EXTL3: variants seen among roughly 807,000 people sequenced by gnomAD.
EXTL3 encodes exostosin-like 3.
In EXTL3, 27 loss-of-function variants were observed where a neutral mutation model predicts 69.3. The ratio of observed to expected loss-of-function variants is 0.39; its 90% confidence interval spans 0.29 to 0.54. The LOEUF is 0.54. Ranked by LOEUF, EXTL3 falls within the 20% of genes least tolerant of loss-of-function variation. The pLI, the probability that EXTL3 is intolerant of heterozygous loss-of-function variation, is 0.69. For synonymous variants in EXTL3, 511 were observed against 499.4 expected (o/e 1.02, Z -0.31); for missense variants, 1,003 against 1,231.8 (o/e 0.81, Z 2.78).
chr8:28,667,752 A>G (rs1203302737), intron 1 of EXTL3, among the ~76,000 whole-genome samples: 1 of 151,142 alleles, frequency 6.6e-6, no homozygotes, highest in Non-Finnish European at 1.5e-5. Flanking sequence ...TAGGAGATAT[A>G]CCTAATGTAA....
At chr8:28,699,026 G>C (rs1800729962), upstream of EXTL3, among the ~76,000 whole-genome samples, 1 of 151,472 alleles carries the variant, frequency 6.6e-6, no homozygotes, top group African/African-American at 2.4e-5. Flanking sequence ...ACAAAAATTA[G>C]GCACAGTGGA....
intron 1 of EXTL3, among the ~76,000 whole-genome samples, chr8:28,643,231 A>G (rs1423197605): frequency 6.6e-6 from 1 of 152,010 alleles, no homozygotes; most frequent in Non-Finnish European, 1.5e-5. Flanking sequence ...GTGACAGAGC[A>G]AGACTCCATC....
At chr8:28,649,925 G>T (rs183478242) in intron 1 of EXTL3, among the ~76,000 whole-genome samples, 2 of 152,008 alleles carry the variant, frequency 1.3e-5, no homozygotes, top group Admixed American at 1.3e-4. Context: ...GCCCGGGCAC[G>T]GTGGGTCACA....
chr8:28,659,733 A>C (rs1807077068), intron 1 of EXTL3, among the ~76,000 whole-genome samples: 1 of 152,134 alleles, frequency 6.6e-6, no homozygotes, highest in African/African-American at 2.4e-5. Flanking sequence ...TCAGCAAGAG[A>C]ACAAAGAGCT....
chr8:28,629,900 C>G (rs1381733347), intron 1 of EXTL3, among the ~76,000 whole-genome samples: 1 of 152,002 alleles, frequency 6.6e-6, no homozygotes, highest in Admixed American at 6.6e-5. Flanking sequence ...AGCAGAGATG[C>G]AAGAGAGAGA....
At chr8:28,690,662 A>G (rs937253047) in intron 1 of EXTL3, among the ~76,000 whole-genome samples, 2 of 152,122 alleles carry the variant, frequency 1.3e-5, no homozygotes, top group African/African-American at 4.8e-5. Context: ...TCCCAATCTT[A>G]TTCATGTGGC....
rs868627764 is a variant in EXTL3, at chr8:28,731,434, A to G, written c.2276+84A>G. 7.5e-6 allele frequency: 11 copies of G among 1,466,000 alleles called. No individual in the cohort carries two copies. In the African/African-American group the frequency reaches 9.7e-5, roughly 13 times the overall value. 90.8% of individuals were successfully genotyped at this position (1,466,000 alleles called of 1,614,324 possible). ...GGCTGCAAAATGAATTTTTTGGCTG[A>G]TGGTAACTGAGAACCCCTTGCAGAT... On this transcript the variant is annotated intron_variant, in intron 4 of 6. Coordinates refer to ENST00000220562, the MANE Select transcript of EXTL3 (RefSeq NM_001440.4).
chr8:28,638,211 G>GT (rs1264129883), intron 1 of EXTL3, among the ~76,000 whole-genome samples: 5 of 152,108 alleles, frequency 3.3e-5, no homozygotes, highest in African/African-American at 1.2e-4. Flanking sequence ...CAAACTCATG[G>GT]TTTTGTTGGT....
chr8:28,742,303 G>A (rs1428172546), intron 5 of EXTL3: 2 of 152,148 alleles, frequency 1.3e-5, no homozygotes, highest in African/African-American at 4.8e-5. Flanking sequence ...ACAACAAGCT[G>A]ACAACATTCT....
intron 3 of EXTL3, among the ~76,000 whole-genome samples, chr8:28,723,420 A>C (rs1801340442): frequency 1.3e-5 from 2 of 152,240 alleles, no homozygotes; most frequent in Non-Finnish European, 2.9e-5. Flanking sequence ...CGAACCAAAA[A>C]TGAATACTAA....
In EXTL3 at chr8:28,753,070, G is replaced by C. The variant is rs1379080053; in HGVS notation, c.*2204G>C. 1 of 152,264 alleles carries C rather than the reference G, an allele frequency of 6.6e-6. No individual in the cohort carries two copies. The highest frequency in any genetic ancestry group is 2.4e-5 in the African/African-American group (1 of 41,416). The allele number at this position is 152,264 out of a possible 1,614,324, so 9.4% of individuals were successfully genotyped here. On this transcript the variant is annotated 3_prime_UTR_variant, in exon 7 of 7. Coordinates refer to ENST00000220562, the MANE Select transcript of EXTL3 (RefSeq NM_001440.4). ...GGTCTGACACCAAAACATGCCGCAG[G>C]GAGGGCTGTGGTGCCGGTGCTTCCA... is the stretch of plus-strand genomic sequence containing the variant.
At position 28,716,142 on chromosome 8, in the gene EXTL3, G is replaced by T; in HGVS notation, c.83G>T (p.Arg28Leu). Residue 28 changes from arginine (R) to leucine (L), a missense_variant, in exon 3 of 7, where the codon CGC (arginine) becomes CTC (leucine). Transcript: ENST00000220562. This position sits in a 1 kb window ranked among gnomAD's most constrained non-coding sequence, Gnocchi z 7.1. ...ATGCTGCGCTGGTCCAACCGCATCC[G>T]CCTCACGTGGCTCAGCTTCACGCTC... Reference protein sequence around the residue: ...TCMLRWSNRIRLTWLSFTLFV... With the variant: ...TCMLRWSNRILLTWLSFTLFV... 6.2e-7 allele frequency: 1 copy of T among 1,613,960 alleles called. No individual in the cohort carries two copies. Among genetic ancestry groups the T allele is most frequent in the Non-Finnish European group, 8.5e-7 (1 of 1,180,038 alleles).
At chr8:28,675,399 C>T (rs73233002) in intron 1 of EXTL3, among the ~76,000 whole-genome samples, 1 of 152,284 alleles carries the variant, frequency 6.6e-6, no homozygotes, top group Non-Finnish European at 1.5e-5. Flanking sequence ...CCTCTGTGGT[C>T]AGTATAGTCC....
intron 1 of EXTL3, among the ~76,000 whole-genome samples, chr8:28,658,008 T>C (rs557303745): frequency 6.6e-6 from 1 of 152,328 alleles, no homozygotes; most frequent in Non-Finnish European, 1.5e-5. Flanking sequence ...CTGAGCCCGC[T>C]GGCAAGAGGG....
intron 1 of EXTL3, among the ~76,000 whole-genome samples, chr8:28,631,919 C>G (rs1474800829): frequency 6.6e-6 from 1 of 151,742 alleles, no homozygotes; most frequent in Non-Finnish European, 1.5e-5. Flanking sequence ...GAAACCCCGT[C>G]TCTACTAAAA....
chr8:28,607,993 CCAGCT>C (rs1806220646), intron 2 of EXTL3, among the ~76,000 whole-genome samples: 2 of 151,686 alleles, frequency 1.3e-5, no homozygotes, highest in Non-Finnish European at 2.9e-5. Context: ...GCCTGTAGTC[CCAGCT>C]ACTCGGGAGG....
Position 28,717,653 on chromosome 8 carries a change from G to C in EXTL3, c.1594G>C (p.Ala532Pro), listed in dbSNP as rs1475842216. ...TGACAGTATTTTTAATACCGTGCTG[G>C]CTATGATTAGGACTCGCATCCAGAT... Reference protein sequence around the residue: ...TADSIFNTVLAMIRTRIQIPA... With the variant: ...TADSIFNTVLPMIRTRIQIPA... Residue 532 changes from alanine (A) to proline (P), a missense_variant, in exon 3 of 7, where the codon GCT becomes CCT. By Grantham distance (27) the Ala-to-Pro change is conservative. Around this residue, in one of 2 missense-constraint regions of EXTL3, gnomAD observed 742 missense variants for 815.4 expected, o/e 0.91. Transcript: ENST00000220562. This position sits in a 1 kb window ranked among gnomAD's most constrained non-coding sequence, Gnocchi z 8.3. 2 of 1,614,052 alleles carry C rather than the reference G, an allele frequency of 1.2e-6. No homozygotes were observed. The highest frequency in any genetic ancestry group is 1.7e-6 in the Non-Finnish European group (2 of 1,180,038).
intron 1 of EXTL3, among the ~76,000 whole-genome samples, chr8:28,703,041 C>T (rs953004656): frequency 1.3e-5 from 2 of 152,144 alleles, no homozygotes; most frequent in Admixed American, 1.3e-4. Context: ...AAAGAAAAAC[C>T]GTTTTCTTAA....
intron 1 of EXTL3, among the ~76,000 whole-genome samples, chr8:28,684,318 G>A (rs1212022886): frequency 1.3e-5 from 2 of 152,104 alleles, no homozygotes; most frequent in Non-Finnish European, 2.9e-5. Context: ...TGGATCATAT[G>A]GTAGTTCTAT....
Sources: gnomAD v4.1 joint callset for allele counts (sites outside exome capture counted in the v4.1 genomes callset) on GRCh38, gnomAD v4.1.1 for gene constraint, gnomAD v4.1.1 regional missense constraint, Gnocchi (gnomAD v3.1) non-coding constraint, MANE v1.5 for transcripts, NCBI Gene and HGNC (gene_info 2026-07-23, HGNC 2026-07-21) for gene names.